AGBL1: variants seen among roughly 807,000 people sequenced by gnomAD.
The protein encoded by AGBL1 is cytosolic carboxypeptidase 4.
AGBL1 carries 130 observed loss-of-function variants against 118.9 expected under a neutral mutation model. That is an observed-to-expected ratio of 1.09 (90% CI 0.95 to 1.26). The LOEUF (loss-of-function observed/expected upper bound fraction) is 1.26. Among genes scored for constraint, AGBL1 ranks in the 50% most tolerant of loss-of-function variants. The pLI, the probability that AGBL1 is intolerant of heterozygous loss-of-function variation, is 0.00. For missense variants in AGBL1, 1,584 were observed against 1,298.1 expected, an observed-to-expected ratio of 1.22 and a Z score of -3.38; for synonymous variants, 555 against 478.9, an observed-to-expected ratio of 1.16 and a Z score of -2.08.
intron 5 of AGBL1, among the ~76,000 whole-genome samples, chr15:86,188,005 C>G (rs1407862602): frequency 6.6e-6 from 1 of 152,186 alleles, no homozygotes; most frequent in Admixed American, 6.5e-5. Flanking sequence ...GGAAAAGATA[C>G]AAGTACTTCT....
At chr15:86,853,642 T>C (rs952048730) in intron 22 of AGBL1, among the ~76,000 whole-genome samples, 5 of 152,176 alleles carry the variant, frequency 3.3e-5, no homozygotes, top group African/African-American at 1.2e-4. Context: ...AAATACAATT[T>C]ACATACCGTA....
chr15:86,659,878 C>T (rs1196352407), intron 21 of AGBL1, among the ~76,000 whole-genome samples: 1 of 152,172 alleles, frequency 6.6e-6, no homozygotes, highest in African/African-American at 2.4e-5. Context: ...CATGGTAGGA[C>T]TGTTTGCTCT....
At chr15:86,088,387 T>C (rs1452060300) in intron 1 of AGBL1, 2 of 152,238 alleles carry the variant, frequency 1.3e-5, no homozygotes, top group Non-Finnish European at 1.5e-5. Context: ...GTGCAAGTCT[T>C]GGAGAACCTG....
intron 24 of AGBL1, among the ~76,000 whole-genome samples, chr15:87,003,373 G>C (rs1258385265): frequency 6.1e-5 from 9 of 147,726 alleles, no homozygotes; most frequent in African/African-American, 2.2e-4. Context: ...TGCTGGATTT[G>C]GTTTGCCAGT....
chr15:86,917,084 G>C (rs1032948239), downstream of AGBL1, among the ~76,000 whole-genome samples: 2 of 152,196 alleles, frequency 1.3e-5, no homozygotes, highest in Admixed American at 1.3e-4. The surrounding 1 kb of genome is among the most constrained non-coding windows in gnomAD (Gnocchi z 4.8). Context: ...TCATCCACAT[G>C]GTTTGGCCTG....
Position 86,160,918 on chromosome 15 carries a change from C to T in AGBL1, c.488+1892C>T, listed in dbSNP as rs557778539. On this transcript the variant is annotated intron_variant, in intron 5 of 22. Coordinates refer to ENST00000614907, the MANE Select transcript of AGBL1 (RefSeq NM_001386094.1). ...GTGCTCACATAGCTTTTATTGTCTT[C>T]CTCATTCAGGCCAAACTTGTGGGGT... Among the ~76,000 whole-genome samples, 6 of 152,236 alleles carry T rather than the reference C, an allele frequency of 3.9e-5. No homozygotes were observed. In the East Asian group the frequency reaches 1.2e-3, roughly 29 times the overall value.
intron 18 of AGBL1, among the ~76,000 whole-genome samples, chr15:86,478,506 C>A (rs2082596254): frequency 6.6e-6 from 1 of 152,076 alleles, no homozygotes; most frequent in Non-Finnish European, 1.5e-5. Context: ...AATAAAATAC[C>A]TAGGAATCCA....
chr15:86,482,481 A>G (rs764004636), intron 18 of AGBL1, among the ~76,000 whole-genome samples: 6 of 152,176 alleles, frequency 3.9e-5, no homozygotes, highest in Non-Finnish European at 7.4e-5. Flanking sequence ...ATGATTTCCC[A>G]TAATCTATTC....
intron 22 of AGBL1, among the ~76,000 whole-genome samples, chr15:86,787,686 A>G (rs528113752): frequency 2.0e-5 from 3 of 152,274 alleles, no homozygotes; most frequent in South Asian, 4.1e-4. Context: ...TAGTCCTCCA[A>G]TGAACATGAC....
intron 13 of AGBL1, among the ~76,000 whole-genome samples, chr15:86,267,980 A>G (rs1458811468): frequency 6.6e-6 from 1 of 152,206 alleles, no homozygotes; most frequent in Non-Finnish European, 1.5e-5. Context: ...CTCACTCACA[A>G]AATGAGAACA....
In AGBL1 at chr15:86,720,888, G is replaced by A. The variant is rs529342135; in HGVS notation, c.3158+46452G>A. On this transcript the variant is annotated intron_variant, in intron 22 of 22. Coordinates refer to ENST00000614907, the MANE Select transcript of AGBL1 (RefSeq NM_001386094.1). ...ATGAACACCTCTACACAAATAAACT[G>A]GAAAATCTAGAAGAAATGGATAGAT... is the stretch of plus-strand genomic sequence containing the variant. Among the ~76,000 whole-genome samples, 14 of 152,204 alleles carry A rather than the reference G, an allele frequency of 9.2e-5. No individual in the cohort carries two copies. In the South Asian group the frequency reaches 2.9e-3, roughly 32 times the overall value.
intron 24 of AGBL1, among the ~76,000 whole-genome samples, chr15:87,022,490 T>G (rs2081675945): frequency 6.6e-6 from 1 of 152,046 alleles, no homozygotes; most frequent in Admixed American, 6.6e-5. Flanking sequence ...TAATTGGTGC[T>G]CCAGAGGAAG....
Position 86,256,385 on chromosome 15 carries a change from A to G in AGBL1, c.736-468A>G, listed in dbSNP as rs2078895488. 3.3e-5 allele frequency among the ~76,000 whole-genome samples: 5 copies of G among 152,294 alleles called. No individual in the cohort carries two copies. The South Asian group carries it at 1.0e-3, about 32-fold the overall frequency. ...GATTTCATATTTTATCTTTTTTAAAAAATATTTTTCTCCACAGAAGACAGC... is the reference window on the plus strand; with the variant it reads ...GATTTCATATTTTATCTTTTTTAAAGAATATTTTTCTCCACAGAAGACAGC... On this transcript the variant is annotated intron_variant, in intron 7 of 22. Transcript: ENST00000614907.
intron 21 of AGBL1, among the ~76,000 whole-genome samples, chr15:86,602,525 C>T (rs1296202383): frequency 2.6e-5 from 4 of 152,148 alleles, no homozygotes; most frequent in Non-Finnish European, 5.9e-5. Flanking sequence ...TTAGTTAGGG[C>T]TATTTCTGGG....
chr15:86,175,614 C>T (rs2077472467), intron 5 of AGBL1, among the ~76,000 whole-genome samples: 1 of 151,946 alleles, frequency 6.6e-6, no homozygotes. Context: ...AAATTTTCTA[C>T]TTTTTTGACA....
intron 1 of AGBL1, chr15:86,080,353 C>T (rs973773368): frequency 4.9e-6 from 1 of 206,056 alleles, no homozygotes; most frequent in African/African-American, 2.3e-5. Context: ...TGAGGCTCCT[C>T]CTGAATAAGG....
At chr15:87,029,431 T>TAATA (rs1434209979), downstream of AGBL1, among the ~76,000 whole-genome samples, 1 of 151,960 alleles carries the variant, frequency 6.6e-6, no homozygotes, top group African/African-American at 2.4e-5. Flanking sequence ...TTTGATGTGC[T>TAATA]AATACTTTAT....
At chr15:86,976,411 A>G (rs1221128445) in intron 23 of AGBL1, among the ~76,000 whole-genome samples, 1 of 151,884 alleles carries the variant, frequency 6.6e-6, no homozygotes, top group Admixed American at 6.6e-5. Context: ...ATAGCATTGC[A>G]TTTGTTTGTT....
intron 22 of AGBL1, among the ~76,000 whole-genome samples, chr15:86,713,911 G>A (rs182764368): frequency 1.8e-4 from 28 of 152,246 alleles, no homozygotes; most frequent in Admixed American, 7.2e-4. Flanking sequence ...TTGAGCATGC[G>A]GCTGTTAGAG....
Sources: gnomAD v4.1 joint callset for allele counts (sites outside exome capture counted in the v4.1 genomes callset) on GRCh38, gnomAD v4.1.1 for gene constraint, Gnocchi (gnomAD v3.1) non-coding constraint, MANE v1.5 for transcripts, NCBI Gene and HGNC (gene_info 2026-07-23, HGNC 2026-07-21) for gene names.